Variants in ZNF701 observed in about 807,000 individuals in gnomAD.
The protein encoded by ZNF701 is zinc finger protein 701.
Under a neutral mutation model 7.1 loss-of-function variants are expected in ZNF701, and 6 were observed. The observed-to-expected ratio is 0.84, with a 90% CI of 0.46 to 1.66. The LOEUF (loss-of-function observed/expected upper bound fraction) is 1.66, where lower values mean the gene tolerates loss of function less well. ZNF701 is among the 40% of genes most tolerant of loss of function. The pLI is 0.01. For synonymous variants in ZNF701, 166 were observed against 188.2 expected (o/e 0.88, Z 0.97); for missense variants, 541 against 559.2 (o/e 0.97, Z 0.33).
At chr19:52,574,039 T>C (rs2059916982) in intron 1 of ZNF701, 38 bp from the exon 2 acceptor site, 1 of 1,595,116 alleles carries the variant, frequency 6.3e-7, no homozygotes, top group African/African-American at 1.3e-5. Flanking sequence ...GGAGGTGTGT[T>C]GATTCTGAGC....
chr19:52,590,191 C>G (rs2060031702), downstream of ZNF701, among the ~76,000 whole-genome samples: 1 of 151,708 alleles, frequency 6.6e-6, no homozygotes, highest in Admixed American at 6.6e-5. Context: ...ACCTCTGCCT[C>G]CCATGCTCAA....
intron 1 of ZNF701, among the ~76,000 whole-genome samples, chr19:52,571,103 G>GAAAA (rs35595336): frequency 3.7e-4 from 55 of 147,808 alleles, no homozygotes; most frequent in African/African-American, 1.2e-3. Context: ...CAGCAAAAGT[G>GAAAA]AAAAAAAAAA....
chr19:52,592,826 G>T, the ZNF701 span, among the ~76,000 whole-genome samples: 2 of 120,294 alleles, frequency 1.7e-5, 1 homozygote, highest in Admixed American at 1.7e-4. Flanking sequence ...GTTTCTCACA[G>T]AGGGGGATTT....
intron 3 of ZNF701, among the ~76,000 whole-genome samples, chr19:52,579,799 G>A (rs556758064): frequency 7.1e-6 from 1 of 140,210 alleles, no homozygotes; most frequent in Non-Finnish European, 1.5e-5. Flanking sequence ...GCTTGAACCC[G>A]GGAGGTAGAG....
intron 1 of ZNF701, among the ~76,000 whole-genome samples, chr19:52,571,609 C>T (rs920697259): frequency 6.6e-6 from 1 of 152,078 alleles, no homozygotes; most frequent in Non-Finnish European, 1.5e-5. Context: ...ATCCACCCGC[C>T]TCGACCTCCC....
chr19:52,577,330 TC>T (rs2059941381), intron 3 of ZNF701, among the ~76,000 whole-genome samples: 1 of 152,026 alleles, frequency 6.6e-6, no homozygotes, highest in Non-Finnish European at 1.5e-5. Flanking sequence ...AAACTCCTGA[TC>T]TCAAGTGATC....
chr19:52,571,862 T>C (rs1228394303), intron 1 of ZNF701, among the ~76,000 whole-genome samples: 1 of 152,048 alleles, frequency 6.6e-6, no homozygotes, highest in Non-Finnish European at 1.5e-5. Context: ...TCGCTCTTGT[T>C]GCCCGTGCTG....
chr19:52,577,983 A>G (rs910185148), intron 3 of ZNF701, among the ~76,000 whole-genome samples: 3 of 152,036 alleles, frequency 2.0e-5, no homozygotes, highest in African/African-American at 7.2e-5. Context: ...AGCCGGGCGC[A>G]GTGGCTCTTG....
chr19:52,581,136 A>T (rs992776296), intron 3 of ZNF701, among the ~76,000 whole-genome samples: 1 of 152,164 alleles, frequency 6.6e-6, no homozygotes, highest in African/African-American at 2.4e-5. Context: ...AAATAAAAAT[A>T]CAAAATTTTT....
chr19:52,599,159 C>T, the ZNF701 span, among the ~76,000 whole-genome samples: 2 of 151,592 alleles, frequency 1.3e-5, no homozygotes, highest in Admixed American at 1.3e-4. Flanking sequence ...TCCCGAGTAG[C>T]TGGGATTACA....
intron 2 of ZNF701, among the ~76,000 whole-genome samples, chr19:52,575,334 A>G (rs1018644853): frequency 6.6e-6 from 1 of 151,134 alleles, no homozygotes; most frequent in Admixed American, 6.6e-5. Flanking sequence ...ACACACATAT[A>G]TACATACACA....
intron 2 of ZNF701, among the ~76,000 whole-genome samples, chr19:52,575,548 T>A (rs1014991153): frequency 1.3e-5 from 2 of 151,224 alleles, no homozygotes; most frequent in Non-Finnish European, 2.9e-5. Flanking sequence ...TTGCCCAGGC[T>A]AGAATGCCTT....
chr19:52,571,116 TA>T (rs910873153), intron 1 of ZNF701, among the ~76,000 whole-genome samples: 1 of 143,950 alleles, frequency 6.9e-6, no homozygotes, highest in African/African-American at 2.6e-5. Flanking sequence ...AAAAAAAAGA[TA>T]AGAAAGCAGG....
intron 1 of ZNF701, chr19:52,572,782 A>G (rs1332536837): frequency 2.5e-6 from 1 of 395,956 alleles, no homozygotes; most frequent in Admixed American, 3.2e-5. Flanking sequence ...GGCCCCTGCC[A>G]CTGTCCAGGC....
downstream of ZNF701, among the ~76,000 whole-genome samples, chr19:52,588,892 C>T (rs1188111394): frequency 2.0e-5 from 3 of 152,118 alleles, no homozygotes; most frequent in Admixed American, 6.6e-5. Flanking sequence ...TACAGGTGTC[C>T]ACCACCAGGC....
chr19:52,570,902 C>A, intron 1 of ZNF701: 1 of 152,744 alleles, frequency 6.5e-6, no homozygotes. Flanking sequence ...TTCTTGCCTG[C>A]CTAGCTCCAA....
intron 3 of ZNF701, 79 bp downstream of exon 3, chr19:52,576,100 A>G (rs2868493): frequency 2.2e-5 from 35 of 1,605,594 alleles, no homozygotes; most frequent in African/African-American, 5.4e-5. Flanking sequence ...CTTGGGAGCC[A>G]CATCCTTGCT....
chr19:52,583,214 T>G lies in ZNF701; in HGVS notation c.1155T>G (p.Asn385Lys), dbSNP rs1285430348. 1.2e-6 allele frequency: 2 copies of G among 1,610,444 alleles called. No individual in the cohort carries two copies. Among genetic ancestry groups the G allele is most frequent in the Non-Finnish European group, 1.7e-6 (2 of 1,177,264 alleles). The change falls in exon 4 of 4, where the codon AAT becomes AAG. Residue 385 changes from asparagine (N) to lysine (K), a missense_variant. By Grantham distance (94) the Asn-to-Lys change is moderately conservative (BLOSUM62 0). Coordinates refer to ENST00000391785, the MANE Select transcript of ZNF701 (RefSeq NM_018260.3). The stretch of plus-strand genomic sequence containing the variant: ...CTGGAGAGAAACCTTACAAGTGTAA[T>G]GAGTGTGGCAAGACCTTTGTTCAAA... ...IHTGEKPYKCNECGKTFVQNS... is the reference protein window; with the variant it reads ...IHTGEKPYKCKECGKTFVQNS...
At chr19:52,597,638 A>G in the ZNF701 span, 9 of 350,480 alleles carry the variant, frequency 2.6e-5, no homozygotes, top group Admixed American at 1.2e-4. Flanking sequence ...ACACCTGGCT[A>G]TGAGAGTGTG....
Sources: gnomAD v4.1 joint callset for allele counts (sites outside exome capture counted in the v4.1 genomes callset) on GRCh38, gnomAD v4.1.1 for gene constraint, MANE v1.5 for transcripts, NCBI Gene and HGNC (gene_info 2026-07-23, HGNC 2026-07-21) for gene names.